IMMP2L: variants seen among roughly 807,000 people sequenced by gnomAD.
IMMP2L encodes the protein mitochondrial inner membrane protease subunit 2.
In IMMP2L, 18 loss-of-function variants were observed where a neutral mutation model predicts 19.3. That is an observed-to-expected ratio of 0.93 (90% CI 0.64 to 1.38). IMMP2L has a LOEUF of 1.38. Ranked by LOEUF, IMMP2L falls within the 40% of genes most tolerant of loss-of-function variation. IMMP2L has a pLI of 0.00. For missense variants in IMMP2L, 233 were observed against 218.2 expected (o/e 1.07, Z -0.43); for synonymous variants, 76 against 73.0 (o/e 1.04, Z -0.21).
intron 3 of IMMP2L, among the ~76,000 whole-genome samples, chr7:111,158,352 T>C (rs922875398): frequency 1.3e-5 from 2 of 152,058 alleles, no homozygotes; most frequent in African/African-American, 4.8e-5. Context: ...TCAACACTAA[T>C]GACAGTAAAA....
At position 110,703,833 on chromosome 7, in the gene IMMP2L, T is replaced by A. The variant is rs564461235; in HGVS notation, c.409-40112A>T. 2.1e-3 allele frequency among the ~76,000 whole-genome samples: 318 copies of A among 152,236 alleles called. 1 individual carries two copies. The highest frequency in any genetic ancestry group is 3.4e-3 in the Middle Eastern group (1 of 294). On this transcript the variant is annotated intron_variant, in intron 5 of 5. Transcript: ENST00000405709. ...ATGTAGAAAATAATAGTTTTCTAAT[T>A]GCTCTTAAGAGAATAATTTTTTTTT...
intron 5 of IMMP2L, among the ~76,000 whole-genome samples, chr7:110,784,085 T>A (rs1011585626): frequency 1.3e-5 from 2 of 151,930 alleles, no homozygotes; most frequent in Non-Finnish European, 2.9e-5. Flanking sequence ...CTCTCCAATT[T>A]GCCCTTCCTT....
chr7:110,919,430 T>C (rs758330631), intron 4 of IMMP2L, among the ~76,000 whole-genome samples: 2 of 152,204 alleles, frequency 1.3e-5, no homozygotes, highest in Non-Finnish European at 2.9e-5. Flanking sequence ...CAGCAAATTA[T>C]ACTGAGTCTA....
chr7:110,817,527 G>C (rs1254941669), intron 5 of IMMP2L, among the ~76,000 whole-genome samples: 1 of 152,052 alleles, frequency 6.6e-6, no homozygotes, highest in Non-Finnish European at 1.5e-5. Flanking sequence ...TGTGAAAATG[G>C]CCATACTGCC....
intron 2 of IMMP2L, among the ~76,000 whole-genome samples, chr7:111,504,613 C>T (rs1844674893): frequency 6.6e-6 from 1 of 152,002 alleles, no homozygotes; most frequent in Non-Finnish European, 1.5e-5. Context: ...GGTACTGGTA[C>T]CAAAACAGAG....
At chr7:110,771,699 G>A (rs1405164205) in intron 5 of IMMP2L, among the ~76,000 whole-genome samples, 2 of 152,074 alleles carry the variant, frequency 1.3e-5, no homozygotes, top group Admixed American at 6.6e-5. Flanking sequence ...AGGACTTATC[G>A]AAAAACATCA....
At chr7:110,827,638 G>C (rs1200459231) in intron 5 of IMMP2L, among the ~76,000 whole-genome samples, 1 of 152,134 alleles carries the variant, frequency 6.6e-6, no homozygotes, top group East Asian at 1.9e-4. Context: ...AAGAGAGGGT[G>C]ATTAATTCTG....
chr7:111,116,326 T>C (rs1417216889), intron 3 of IMMP2L, among the ~76,000 whole-genome samples: 2 of 152,162 alleles, frequency 1.3e-5, no homozygotes, highest in African/African-American at 2.4e-5. Flanking sequence ...AAAAAATCTA[T>C]AGTTATTTCT....
intron 3 of IMMP2L, among the ~76,000 whole-genome samples, chr7:111,187,725 C>A (rs1808424978): frequency 1.3e-5 from 2 of 152,066 alleles, no homozygotes; most frequent in South Asian, 4.1e-4. Flanking sequence ...TTTACAAATA[C>A]CAACTCAACT....
chr7:111,243,096 AT>A (rs1192003251), intron 3 of IMMP2L, among the ~76,000 whole-genome samples: 2 of 152,112 alleles, frequency 1.3e-5, no homozygotes, highest in Non-Finnish European at 2.9e-5. Context: ...AATTCTTATT[AT>A]TTTTATGCCA....
intron 5 of IMMP2L, among the ~76,000 whole-genome samples, chr7:110,722,304 T>C (rs1054601252): frequency 3.3e-5 from 5 of 152,108 alleles, no homozygotes; most frequent in Non-Finnish European, 5.9e-5. Flanking sequence ...ATTCATTAAG[T>C]AGTTAATACA....
At chr7:111,378,653 A>C (rs1830911931) in intron 3 of IMMP2L, among the ~76,000 whole-genome samples, 1 of 151,984 alleles carries the variant, frequency 6.6e-6, no homozygotes, top group Non-Finnish European at 1.5e-5. Context: ...TAATGACTAA[A>C]CAGTTGAACT....
intron 5 of IMMP2L, among the ~76,000 whole-genome samples, chr7:110,679,870 T>G (rs1350907768): frequency 6.6e-6 from 1 of 152,194 alleles, no homozygotes; most frequent in Non-Finnish European, 1.5e-5. Context: ...GCACCATATC[T>G]GGTGCTATGT....
At chr7:111,117,411 C>T (rs148691401) in intron 3 of IMMP2L, among the ~76,000 whole-genome samples, 2 of 152,122 alleles carry the variant, frequency 1.3e-5, no homozygotes, top group Admixed American at 1.3e-4. Context: ...TCCAGTAAAC[C>T]TGGCCCATGT....
intron 5 of IMMP2L, among the ~76,000 whole-genome samples, chr7:110,762,257 C>T (rs1798394453): frequency 1.3e-5 from 2 of 150,886 alleles, no homozygotes; most frequent in African/African-American, 4.9e-5. Flanking sequence ...TTTTTTTTCC[C>T]CATCGGCAAG....
chr7:111,073,120 T>G (rs947907152), intron 3 of IMMP2L, among the ~76,000 whole-genome samples: 5 of 152,242 alleles, frequency 3.3e-5, no homozygotes, highest in African/African-American at 1.2e-4. Flanking sequence ...AGAGAAAAAC[T>G]TCTAGAAAGG....
intron 3 of IMMP2L, among the ~76,000 whole-genome samples, chr7:111,001,558 G>A (rs1454390292): frequency 6.6e-6 from 1 of 152,134 alleles, no homozygotes; most frequent in African/African-American, 2.4e-5. Context: ...GTATTTGAAT[G>A]ATGAATATTA....
At chr7:110,999,563 T>C (rs1823425643) in intron 3 of IMMP2L, among the ~76,000 whole-genome samples, 1 of 151,268 alleles carries the variant, frequency 6.6e-6, no homozygotes, top group Non-Finnish European at 1.5e-5. Flanking sequence ...TCTTGTTTTA[T>C]GGATACAATA....
intron 3 of IMMP2L, among the ~76,000 whole-genome samples, chr7:111,042,872 T>C (rs1001872773): frequency 6.6e-6 from 1 of 152,208 alleles, no homozygotes; most frequent in East Asian, 1.9e-4. Flanking sequence ...AAGAAGGCTA[T>C]ATGTCTTGAA....
Sources: allele counts gnomAD v4.1 joint callset (sites outside exome capture counted in the v4.1 genomes callset), GRCh38; gene constraint gnomAD v4.1.1; transcripts MANE v1.5; gene names NCBI Gene and HGNC (gene_info 2026-07-23, HGNC 2026-07-21).